The following GRID1 variants were observed in gnomAD, a reference collection of about 807,000 sequenced individuals.
GRID1 encodes the protein glutamate receptor ionotropic, delta-1.
Under a neutral mutation model 98.0 loss-of-function variants are expected in GRID1, and 28 were observed. The observed-to-expected ratio is 0.29, with a 90% CI of 0.21 to 0.39. The LOEUF (loss-of-function observed/expected upper bound fraction) is 0.39. Ranked by LOEUF, GRID1 falls within the 10% of genes least tolerant of loss-of-function variation. GRID1 has a pLI of 1.00. For synonymous variants in GRID1, 553 were observed against 538.5 expected, an observed-to-expected ratio of 1.03 and a Z score of -0.37; for missense variants, 1,111 against 1,340.5, an observed-to-expected ratio of 0.83 and a Z score of 2.67.
chr10:86,270,313 T>C (rs569324895), intron 2 of GRID1, among the ~76,000 whole-genome samples: 45 of 152,164 alleles, frequency 3.0e-4, no homozygotes, highest in Admixed American at 2.2e-3. Flanking sequence ...ACTCCAACAA[T>C]TGCCTCCTCT....
chr10:86,260,541 G>A (rs1172699930), intron 2 of GRID1, among the ~76,000 whole-genome samples: 1 of 152,200 alleles, frequency 6.6e-6, no homozygotes, highest in Non-Finnish European at 1.5e-5. Context: ...TCATAGGGAT[G>A]CAGACAGACA....
At chr10:85,989,253 G>A (rs1842649576) in intron 4 of GRID1, among the ~76,000 whole-genome samples, 1 of 152,196 alleles carries the variant, frequency 6.6e-6, no homozygotes, top group Non-Finnish European at 1.5e-5. Context: ...TGGGTCATTT[G>A]CTGTCTGTAG....
chr10:86,120,550 T>C (rs1844650446), intron 4 of GRID1, among the ~76,000 whole-genome samples: 1 of 152,150 alleles, frequency 6.6e-6, no homozygotes, highest in Non-Finnish European at 1.5e-5. Flanking sequence ...AAAAAAAGGG[T>C]GGCATGAAAA....
intron 8 of GRID1, among the ~76,000 whole-genome samples, chr10:85,755,132 G>T (rs983837874): frequency 3.3e-5 from 5 of 152,086 alleles, no homozygotes; most frequent in African/African-American, 1.2e-4. Context: ...TTTTTCATAG[G>T]CTAGTAGAGG....
intron 3 of GRID1, among the ~76,000 whole-genome samples, chr10:86,199,101 T>TG (rs1845913529): frequency 6.6e-6 from 1 of 152,148 alleles, no homozygotes; most frequent in Admixed American, 6.5e-5. Context: ...AGTTATGCAG[T>TG]GAAAAATTCA....
Position 85,916,329 on chromosome 10 carries a change from T to G in GRID1, c.727-90A>C. The G allele has an allele frequency of 1.0e-6, 1 of 1,003,990 alleles. No individual in the cohort carries two copies. The highest frequency in any genetic ancestry group is 1.6e-6 in the Non-Finnish European group (1 of 637,342). 62.2% of individuals were successfully genotyped at this position (1,003,990 alleles called of 1,614,324 possible). On this transcript the variant is annotated intron_variant, in intron 4 of 15. Coordinates refer to ENST00000327946, the MANE Select transcript of GRID1 (RefSeq NM_017551.3). This position sits in a 1 kb window ranked among gnomAD's most constrained non-coding sequence, Gnocchi z 4.0. The stretch of plus-strand genomic sequence containing the variant: ...TGCCGAGACAGAGTTTTATAAACAT[T>G]GTTCTTGGAGAATATTTTCCTCACA...
intron 3 of GRID1, among the ~76,000 whole-genome samples, chr10:86,142,370 CT>C (rs1845022862): frequency 6.6e-6 from 1 of 152,238 alleles, no homozygotes; most frequent in Non-Finnish European, 1.5e-5. Flanking sequence ...AAAGCAATGC[CT>C]TTACCTTAAA....
At position 85,869,035 on chromosome 10, in the gene GRID1, T is replaced by TG; in HGVS notation, c.925dup (p.Gln309ProfsTer17). The TG allele has an allele frequency of 6.2e-7, 1 of 1,613,914 alleles. No individual in the cohort carries two copies. The highest frequency in any genetic ancestry group is 8.5e-7 in the Non-Finnish European group (1 of 1,179,960). ...CTGCAGCATCTGGAGGTAGCCTTCC[T>TG]GGGGGTCGCAGAGCAGGGAGGAGAT... On this transcript the variant is annotated frameshift_variant, in exon 6 of 16. Coordinates refer to ENST00000327946, the MANE Select transcript of GRID1 (RefSeq NM_017551.3). LOFTEE classifies it high-confidence loss of function.
chr10:86,033,776 C>T (rs533627244), intron 4 of GRID1, among the ~76,000 whole-genome samples: 1 of 152,230 alleles, frequency 6.6e-6, no homozygotes, highest in Non-Finnish European at 1.5e-5. Flanking sequence ...GGGGTCCTAA[C>T]AAGATGGAAA....
intron 2 of GRID1, among the ~76,000 whole-genome samples, chr10:86,242,456 G>T (rs1217391429): frequency 6.6e-6 from 1 of 152,206 alleles, no homozygotes; most frequent in Non-Finnish European, 1.5e-5. Flanking sequence ...AAGGACAAGG[G>T]CTCTTGACGT....
At chr10:86,060,297 T>TC (rs1173419024) in intron 4 of GRID1, among the ~76,000 whole-genome samples, 1 of 152,214 alleles carries the variant, frequency 6.6e-6, no homozygotes, top group Admixed American at 6.5e-5. Flanking sequence ...ATATAGGATT[T>TC]CCCCACTGGG....
intron 5 of GRID1, 67 bp from the exon 6 acceptor site, chr10:85,869,247 G>T: frequency 5.7e-6 from 8 of 1,406,848 alleles, no homozygotes; most frequent in Non-Finnish European, 8.0e-6. Context: ...GACCTATCAG[G>T]AGGCATCTAG....
At chr10:86,345,312 C>T (rs1044382521) in intron 2 of GRID1, among the ~76,000 whole-genome samples, 53 of 152,198 alleles carry the variant, frequency 3.5e-4, no homozygotes, top group African/African-American at 1.3e-3. Flanking sequence ...TGGACAGGAA[C>T]AGGGGACCCT....
At chr10:86,071,567 G>T (rs1262141736) in intron 4 of GRID1, among the ~76,000 whole-genome samples, 1 of 152,168 alleles carries the variant, frequency 6.6e-6, no homozygotes. Flanking sequence ...TTCTAGTTTT[G>T]CCCTTGCTCC....
At chr10:86,235,676 T>C (rs1846526655) in intron 2 of GRID1, among the ~76,000 whole-genome samples, 1 of 152,256 alleles carries the variant, frequency 6.6e-6, no homozygotes, top group Admixed American at 6.5e-5. Context: ...TTCTTTCACT[T>C]AGAATAATGT....
At chr10:85,953,631 C>T (rs1360130997) in intron 4 of GRID1, among the ~76,000 whole-genome samples, 1 of 152,180 alleles carries the variant, frequency 6.6e-6, no homozygotes, top group Admixed American at 6.5e-5. Context: ...TTCCTGGCCT[C>T]CCAACATCAC....
chr10:85,599,800 A>AAAAAATAT lies in GRID1; in HGVS notation c.*2472_*2473insATATTTTT. ...GGGTAGAAAATTCTAAAAAAAAAAAAAAATATATATATATATATATAAACA... is the reference window on the plus strand; with the variant it reads ...GGGTAGAAAATTCTAAAAAAAAAAAAAAAAATATAAATATATATATATATATATAAACA... On this transcript the variant is annotated 3_prime_UTR_variant, in exon 16 of 16. Transcript: ENST00000327946. 1 of 46,384 alleles carries AAAAAATAT rather than the reference A, an allele frequency of 2.2e-5. No individual in the cohort carries two copies. The highest frequency in any genetic ancestry group is 1.9e-4 in the Admixed American group (1 of 5,260). The allele number at this position is 46,384 out of a possible 1,614,324, so 2.9% of individuals were successfully genotyped here.
intron 4 of GRID1, among the ~76,000 whole-genome samples, chr10:86,095,543 C>A (rs1163389395): frequency 6.6e-6 from 1 of 152,054 alleles, no homozygotes; most frequent in Non-Finnish European, 1.5e-5. Flanking sequence ...AAAAAGTGGG[C>A]TAAAGACATG....
intron 5 of GRID1, among the ~76,000 whole-genome samples, chr10:85,884,123 T>C (rs2131805389): frequency 6.6e-6 from 1 of 152,360 alleles, no homozygotes; most frequent in South Asian, 2.1e-4. Flanking sequence ...ATTACCACTT[T>C]ACATTTGGCC....
Sources: gnomAD v4.1 joint callset for allele counts (sites outside exome capture counted in the v4.1 genomes callset) on GRCh38, gnomAD v4.1.1 for gene constraint, Gnocchi (gnomAD v3.1) non-coding constraint, MANE v1.5 for transcripts, NCBI Gene and HGNC (gene_info 2026-07-23, HGNC 2026-07-21) for gene names.